ACBD6: variants seen among roughly 807,000 people sequenced by gnomAD.
ACBD6 encodes acyl-CoA binding domain containing 6.
Under a neutral mutation model 37.2 loss-of-function variants are expected in ACBD6, and 28 were observed. That is an observed-to-expected ratio of 0.75 (90% CI 0.56 to 1.03). The LOEUF is 1.03. ACBD6 is among the 50% of genes least tolerant of loss of function. The pLI is 0.00. For synonymous variants in ACBD6, 113 were observed against 126.8 expected (o/e 0.89, Z 0.73); for missense variants, 340 against 337.4 (o/e 1.01, Z -0.06).
intron 3 of ACBD6, among the ~76,000 whole-genome samples, chr1:180,439,782 C>T (rs1417538723): frequency 6.6e-6 from 1 of 152,162 alleles, no homozygotes; most frequent in Non-Finnish European, 1.5e-5. Context: ...GTACCTCAAT[C>T]TCTGATGGAT....
chr1:180,318,773 T>C (rs558563402), intron 6 of ACBD6, among the ~76,000 whole-genome samples: 9 of 152,354 alleles, frequency 5.9e-5, no homozygotes, highest in Non-Finnish European at 2.9e-5. Flanking sequence ...GTTGGTATTA[T>C]TTGAGATCTC....
At chr1:180,422,140 C>A (rs1159387982) in intron 4 of ACBD6, among the ~76,000 whole-genome samples, 1 of 152,086 alleles carries the variant, frequency 6.6e-6, no homozygotes, top group African/African-American at 2.4e-5. Flanking sequence ...AGATATTGCA[C>A]AAAATGTGCA....
intron 7 of ACBD6, among the ~76,000 whole-genome samples, chr1:180,295,880 A>G (rs932984892): frequency 2.6e-5 from 4 of 152,114 alleles, no homozygotes; most frequent in African/African-American, 4.8e-5. Flanking sequence ...TAATCCTACA[A>G]TGAACTCCAA....
chr1:180,366,116 CTTAT>C (rs1305054034), intron 6 of ACBD6, among the ~76,000 whole-genome samples: 2 of 152,182 alleles, frequency 1.3e-5, no homozygotes, highest in Non-Finnish European at 2.9e-5. Context: ...CATGCACATA[CTTAT>C]TTAAATAGTA....
At chr1:180,408,595 C>G (rs1050699943) in intron 5 of ACBD6, among the ~76,000 whole-genome samples, 3 of 152,058 alleles carry the variant, frequency 2.0e-5, no homozygotes, top group Admixed American at 6.5e-5. Flanking sequence ...GAGCAGCACA[C>G]CAGCATGGCA....
intron 3 of ACBD6, among the ~76,000 whole-genome samples, chr1:180,476,444 A>G (rs188284497): frequency 9.8e-4 from 149 of 152,296 alleles, no homozygotes; most frequent in Non-Finnish European, 1.7e-3. Flanking sequence ...GTTTTTGCCT[A>G]TGCACACATA....
intron 6 of ACBD6, among the ~76,000 whole-genome samples, chr1:180,350,490 T>C (rs1327092896): frequency 6.6e-6 from 1 of 152,202 alleles, no homozygotes; most frequent in East Asian, 1.9e-4. Flanking sequence ...TACAAGGGTA[T>C]CTTCACTGGT....
At chr1:180,427,289 ATTATT>A (rs1648620479) in intron 4 of ACBD6, among the ~76,000 whole-genome samples, 1 of 152,220 alleles carries the variant, frequency 6.6e-6, no homozygotes, top group Admixed American at 6.5e-5. Flanking sequence ...TTCAAAATAC[ATTATT>A]TTATGTCCTT....
At chr1:180,437,920 G>C (rs2102008434) in intron 3 of ACBD6, among the ~76,000 whole-genome samples, 1 of 152,312 alleles carries the variant, frequency 6.6e-6, no homozygotes, top group Non-Finnish European at 1.5e-5. Context: ...AAGGCCCTAT[G>C]ATGAGGGTAT....
chr1:180,408,115 G>A (rs1169312687), intron 5 of ACBD6, among the ~76,000 whole-genome samples: 2 of 152,178 alleles, frequency 1.3e-5, no homozygotes, highest in African/African-American at 4.8e-5. Flanking sequence ...CATCTCATGA[G>A]ACAGTGATAT....
At chr1:180,314,485 T>C (rs770607010) in intron 7 of ACBD6, among the ~76,000 whole-genome samples, 1 of 152,206 alleles carries the variant, frequency 6.6e-6, no homozygotes, top group Non-Finnish European at 1.5e-5. Context: ...CCTCAAGTGA[T>C]CTGCCCGCCT....
At chr1:180,277,166 T>C (rs1558229787) in intron 9 of ACBD6, 1 of 152,144 alleles carries the variant, frequency 6.6e-6, no homozygotes, top group East Asian at 1.9e-4. Flanking sequence ...AGGTCTAAGA[T>C]TTTAAATGGA....
intron 7 of ACBD6, among the ~76,000 whole-genome samples, chr1:180,295,538 T>C (rs1484624983): frequency 6.6e-6 from 1 of 152,152 alleles, no homozygotes; most frequent in Non-Finnish European, 1.5e-5. Flanking sequence ...AATTAAAGAT[T>C]TGTGGCAACT....
intron 4 of ACBD6, among the ~76,000 whole-genome samples, chr1:180,419,552 G>C (rs1013891627): frequency 6.6e-6 from 1 of 152,150 alleles, no homozygotes; most frequent in Non-Finnish European, 1.5e-5. Context: ...CACGGAGGGT[G>C]GGGGGCACCG....
At chr1:180,462,125 AT>A (rs1273181795) in intron 3 of ACBD6, among the ~76,000 whole-genome samples, 1 of 152,122 alleles carries the variant, frequency 6.6e-6, no homozygotes, top group Non-Finnish European at 1.5e-5. Context: ...AGTCCCAGCT[AT>A]TTAGGGAGGC....
At chr1:180,380,926 G>T (rs1239413516) in intron 6 of ACBD6, among the ~76,000 whole-genome samples, 2 of 152,020 alleles carry the variant, frequency 1.3e-5, no homozygotes, top group Non-Finnish European at 2.9e-5. Flanking sequence ...ACACACAGTG[G>T]CTGAATGGCT....
chr1:180,363,045 A>G (rs186814970), intron 6 of ACBD6, among the ~76,000 whole-genome samples: 11 of 152,174 alleles, frequency 7.2e-5, no homozygotes, highest in Non-Finnish European at 1.6e-4. Context: ...TGGCAAATGT[A>G]TTAACTTATT....
chr1:180,292,485 A>AT (rs927402061), intron 7 of ACBD6, among the ~76,000 whole-genome samples: 1 of 152,162 alleles, frequency 6.6e-6, no homozygotes, highest in African/African-American at 2.4e-5. Context: ...AACAATTAAG[A>AT]TTTGTATACT....
chr1:180,471,476 A>G (rs1650563888), intron 3 of ACBD6, among the ~76,000 whole-genome samples: 1 of 13,802 alleles, frequency 7.2e-5, no homozygotes, highest in African/African-American at 9.2e-4. Flanking sequence ...TGCTGATAAA[A>G]ACATACCTGA....
Sources: gnomAD v4.1 joint callset for allele counts (sites outside exome capture counted in the v4.1 genomes callset) on GRCh38, gnomAD v4.1.1 for gene constraint, MANE v1.5 for transcripts, NCBI Gene and HGNC (gene_info 2026-07-23, HGNC 2026-07-21) for gene names.